DLG2: variants seen among roughly 807,000 people sequenced by gnomAD.
The protein encoded by DLG2 is discs large MAGUK scaffold protein 2.
In DLG2, 45 loss-of-function variants were observed where a neutral mutation model predicts 132.5. That is an observed-to-expected ratio of 0.34 (90% CI 0.27 to 0.44). The LOEUF is 0.44. DLG2 is among the 20% of genes least tolerant of loss of function. The probability of loss-of-function intolerance (pLI) is 1.00; values close to 1 mark genes in which losing one functional copy is unlikely to be tolerated. For synonymous variants in DLG2, 424 were observed against 419.6 expected (o/e 1.01, Z -0.13); for missense variants, 1,045 against 1,196.9 (o/e 0.87, Z 1.87).
chr11:83,779,442 G>T, intron 18 of DLG2, among the ~76,000 whole-genome samples: 1 of 152,132 alleles, frequency 6.6e-6, no homozygotes, highest in East Asian at 1.9e-4. Flanking sequence ...TGCTAGAAAT[G>T]AAAGTGATGC....
intron 7 of DLG2, among the ~76,000 whole-genome samples, chr11:84,430,051 G>A (rs1347008115): frequency 6.6e-6 from 1 of 152,160 alleles, no homozygotes; most frequent in Non-Finnish European, 1.5e-5. Context: ...GTCACAGGCT[G>A]TAGATTCAGT....
At chr11:83,618,011 T>C (rs1242364692) in intron 19 of DLG2, among the ~76,000 whole-genome samples, 1 of 152,076 alleles carries the variant, frequency 6.6e-6, no homozygotes, top group Non-Finnish European at 1.5e-5. Flanking sequence ...AAAAGTACAA[T>C]GTTTGCCTTT....
chr11:85,589,352 G>T (rs780912401), intron 3 of DLG2, among the ~76,000 whole-genome samples: 16 of 152,140 alleles, frequency 1.1e-4, no homozygotes, highest in Non-Finnish European at 1.5e-4. Flanking sequence ...GATAGAAGAG[G>T]GGGGATATAA....
At chr11:85,431,713 C>A (rs1443735718) in intron 3 of DLG2, among the ~76,000 whole-genome samples, 1 of 152,256 alleles carries the variant, frequency 6.6e-6, no homozygotes, top group African/African-American at 2.4e-5. Context: ...TCTCCATGAA[C>A]CAGCAGACAT....
chr11:85,537,027 T>G (rs1598357915), intron 3 of DLG2, among the ~76,000 whole-genome samples: 1 of 152,162 alleles, frequency 6.6e-6, no homozygotes, highest in Non-Finnish European at 1.5e-5. Flanking sequence ...TGTGTCTAGC[T>G]AAAGGTTTGT....
At chr11:84,948,846 A>C (rs1323736816) in intron 6 of DLG2, among the ~76,000 whole-genome samples, 1 of 152,198 alleles carries the variant, frequency 6.6e-6, no homozygotes, top group Non-Finnish European at 1.5e-5. Flanking sequence ...TGTGTAAAAT[A>C]AGAAAAATAA....
intron 9 of DLG2, among the ~76,000 whole-genome samples, chr11:84,154,873 C>A (rs149359838): frequency 6.6e-6 from 1 of 152,210 alleles, no homozygotes; most frequent in Non-Finnish European, 1.5e-5. Context: ...GTATATGTGC[C>A]ACATTTTCTT....
chr11:84,622,175 T>G (rs1481571357), intron 6 of DLG2, among the ~76,000 whole-genome samples: 2 of 152,168 alleles, frequency 1.3e-5, no homozygotes, highest in African/African-American at 4.8e-5. Flanking sequence ...CTAGCATGAT[T>G]AAGGGAATAG....
At chr11:83,811,077 G>C (rs1392365549) in intron 17 of DLG2, among the ~76,000 whole-genome samples, 1 of 147,880 alleles carries the variant, frequency 6.8e-6, no homozygotes, top group Non-Finnish European at 1.5e-5. Flanking sequence ...GTTTTGTCCA[G>C]CAGACTCAGG....
At position 84,528,694 on chromosome 11, in the gene DLG2, T is replaced by C. The variant is rs369670343; in HGVS notation, c.519+5876A>G. On this transcript the variant is annotated intron_variant, in intron 7 of 27. Coordinates refer to ENST00000376104, the MANE Select transcript of DLG2 (RefSeq NM_001142699.3). ...GTTTGACCCAAGAATACCAGACAGA[T>C]AAAAGAAGGCAAAGAAGTTGAAAAT... Among the ~76,000 whole-genome samples the C allele has an allele frequency of 1.2e-4, 19 of 152,320 alleles. 1 individual carries two copies. The East Asian group carries it at 2.9e-3, about 23-fold the overall frequency.
intron 3 of DLG2, among the ~76,000 whole-genome samples, chr11:85,356,596 A>G (rs1596484799): frequency 6.6e-6 from 1 of 152,204 alleles, no homozygotes; most frequent in Non-Finnish European, 1.5e-5. Context: ...GAATTTCTAC[A>G]GCAGCATTTT....
chr11:84,212,978 CG>C (rs2096777124), intron 8 of DLG2, among the ~76,000 whole-genome samples: 1 of 152,060 alleles, frequency 6.6e-6, no homozygotes, highest in Non-Finnish European at 1.5e-5. Flanking sequence ...TTTTATGAGA[CG>C]GGGTAGGTAG....
At chr11:84,880,751 C>T (rs1185455105) in intron 6 of DLG2, among the ~76,000 whole-genome samples, 1 of 152,080 alleles carries the variant, frequency 6.6e-6, no homozygotes, top group East Asian at 1.9e-4. Flanking sequence ...CAACTGTGTT[C>T]AGAATGCTTA....
intron 3 of DLG2, among the ~76,000 whole-genome samples, chr11:85,288,693 A>T (rs1283911638): frequency 6.6e-6 from 1 of 152,078 alleles, no homozygotes; most frequent in African/African-American, 2.4e-5. Context: ...GGGAAAAGAA[A>T]AAAAAGAATT....
intron 6 of DLG2, among the ~76,000 whole-genome samples, chr11:84,863,155 C>T (rs1387105663): frequency 1.3e-5 from 2 of 151,948 alleles, no homozygotes; most frequent in Non-Finnish European, 2.9e-5. Flanking sequence ...CTTTAATTGT[C>T]CAGGCCCAGC....
At chr11:85,297,062 G>A (rs1310056838) in intron 3 of DLG2, among the ~76,000 whole-genome samples, 4 of 151,442 alleles carry the variant, frequency 2.6e-5, no homozygotes, top group Admixed American at 6.6e-5. Flanking sequence ...AAAATCTTAT[G>A]AGAATGTACT....
chr11:84,448,550 A>T (rs541204791), intron 7 of DLG2, among the ~76,000 whole-genome samples: 61 of 152,080 alleles, frequency 4.0e-4, no homozygotes, highest in African/African-American at 1.4e-3. Context: ...TGCTGTCTGC[A>T]GCCCTATCCA....
intron 6 of DLG2, among the ~76,000 whole-genome samples, chr11:85,040,990 T>C (rs193298935): frequency 2.6e-5 from 4 of 151,996 alleles, no homozygotes; most frequent in African/African-American, 9.6e-5. Flanking sequence ...TCTTAACTAT[T>C]ACATTATATT....
At chr11:85,416,794 T>C in intron 3 of DLG2, among the ~76,000 whole-genome samples, 1 of 152,226 alleles carries the variant, frequency 6.6e-6, no homozygotes. Flanking sequence ...ATTAATTTTG[T>C]ATCCTGAAAC....
Sources: allele counts gnomAD v4.1 joint callset (sites outside exome capture counted in the v4.1 genomes callset), GRCh38; gene constraint gnomAD v4.1.1; transcripts MANE v1.5; gene names NCBI Gene and HGNC (gene_info 2026-07-23, HGNC 2026-07-21).